Variants in DAB1 observed in about 807,000 individuals in gnomAD.
DAB1 encodes DAB adaptor protein 1, also known as disabled homolog 1.
In DAB1, 15 loss-of-function variants were observed where a neutral mutation model predicts 64.6. The observed-to-expected ratio is 0.23, with a 90% CI of 0.16 to 0.36. The LOEUF (loss-of-function observed/expected upper bound fraction) is 0.36. Ranked by LOEUF, DAB1 falls within the 10% of genes least tolerant of loss-of-function variation. DAB1 has a pLI of 1.00. For synonymous variants in DAB1, 235 were observed against 251.9 expected, an observed-to-expected ratio of 0.93 and a Z score of 0.64; for missense variants, 596 against 706.7, an observed-to-expected ratio of 0.84 and a Z score of 1.78.
chr1:57,083,215 T>C (rs1279272770), intron 4 of DAB1, among the ~76,000 whole-genome samples: 1 of 152,180 alleles, frequency 6.6e-6, no homozygotes, highest in Non-Finnish European at 1.5e-5. Context: ...GTTAAGTAAC[T>C]TGCCCCGGGT....
At chr1:57,495,805 T>G (rs1644223219) in intron 7 of DAB1, among the ~76,000 whole-genome samples, 1 of 152,222 alleles carries the variant, frequency 6.6e-6, no homozygotes, top group Non-Finnish European at 1.5e-5. Context: ...AGGTTCTTCC[T>G]GGTTTATGCA....
In DAB1 at chr1:58,075,613, A is replaced by T. The variant is rs942123111; in HGVS notation, n.387+74898T>A. On this transcript the variant is annotated intron_variant and non_coding_transcript_variant, in intron 5 of 20. Coordinates refer to the DAB1 transcript ENST00000485760. ...TGTATGGAATGTTTGTTACTGCAGC[A>T]TAAATTAAGCTGTCCTGATTGATTC... is the stretch of plus-strand genomic sequence containing the variant. 4.6e-5 allele frequency among the ~76,000 whole-genome samples: 7 copies of T among 152,260 alleles called. No individual in the cohort carries two copies. The East Asian group carries it at 1.3e-3, about 29-fold the overall frequency.
intron 3 of DAB1, among the ~76,000 whole-genome samples, chr1:58,375,967 C>T (rs528101463): frequency 4.1e-5 from 6 of 148,124 alleles, no homozygotes; most frequent in South Asian, 2.2e-4. Context: ...AGTTTATTTG[C>T]GTAGAGGTGT....
intron 1 of DAB1, among the ~76,000 whole-genome samples, chr1:57,346,190 T>C (rs1162282285): frequency 1.3e-5 from 2 of 152,102 alleles, no homozygotes; most frequent in Non-Finnish European, 2.9e-5. Context: ...TCAGCCCCAG[T>C]GTGGCAGTTC....
intron 3 of DAB1, among the ~76,000 whole-genome samples, chr1:58,501,584 T>C (rs1200193587): frequency 6.6e-6 from 1 of 152,164 alleles, no homozygotes; most frequent in Non-Finnish European, 1.5e-5. Context: ...CCTTGTACTC[T>C]TCCCCAAGAC....
At chr1:58,358,311 G>C (rs1262173108) in intron 3 of DAB1, among the ~76,000 whole-genome samples, 4 of 152,152 alleles carry the variant, frequency 2.6e-5, no homozygotes, top group Non-Finnish European at 5.9e-5. Flanking sequence ...TTTCAAGAAA[G>C]AGGAGGAAGA....
At chr1:57,413,405 T>A in intron 1 of DAB1, among the ~76,000 whole-genome samples, 1 of 152,204 alleles carries the variant, frequency 6.6e-6, no homozygotes. Flanking sequence ...GTGATTCTTC[T>A]GATAGATCTT....
intron 7 of DAB1, among the ~76,000 whole-genome samples, chr1:57,585,090 A>G (rs558107100): frequency 1.3e-5 from 2 of 152,196 alleles, no homozygotes; most frequent in East Asian, 3.9e-4. Flanking sequence ...CTCTACTAAA[A>G]ATACAAAAAT....
intron 4 of DAB1, among the ~76,000 whole-genome samples, chr1:57,133,278 A>G (rs1336311523): frequency 6.6e-6 from 1 of 152,184 alleles, no homozygotes; most frequent in Admixed American, 6.5e-5. Context: ...ATCATTTTTT[A>G]TGATATAAAG....
chr1:58,051,390 A>G (rs1390506512), intron 5 of DAB1, among the ~76,000 whole-genome samples: 3 of 152,022 alleles, frequency 2.0e-5, no homozygotes, highest in Admixed American at 6.6e-5. Context: ...ATCCTTTTTT[A>G]TGGCTGCATA....
At chr1:58,456,976 G>A (rs1326502209) in intron 3 of DAB1, among the ~76,000 whole-genome samples, 1 of 152,114 alleles carries the variant, frequency 6.6e-6, no homozygotes, top group Non-Finnish European at 1.5e-5. Context: ...ATCTCAGAAA[G>A]ACTAAGAAAC....
chr1:58,416,548 A>C (rs947405), intron 3 of DAB1, among the ~76,000 whole-genome samples: 10,984 of 152,248 alleles, frequency 0.072, 608 homozygotes, highest in East Asian at 0.31. Flanking sequence ...TGGCTAGTGC[A>C]ACCAAAAAAA....
intron 4 of DAB1, among the ~76,000 whole-genome samples, chr1:58,154,336 G>A (rs1030209503): frequency 6.6e-6 from 1 of 152,130 alleles, no homozygotes; most frequent in African/African-American, 2.4e-5. Context: ...AGGGAGTACA[G>A]TAGAGTCCAT....
intron 5 of DAB1, among the ~76,000 whole-genome samples, chr1:57,910,163 G>A (rs17116441): frequency 0.014 from 2,081 of 152,272 alleles, 45 homozygotes; most frequent in African/African-American, 0.048. Flanking sequence ...AGAGGCCACC[G>A]TATTCATCAC....
At chr1:57,968,190 T>C (rs908001635) in intron 5 of DAB1, among the ~76,000 whole-genome samples, 8 of 152,124 alleles carry the variant, frequency 5.3e-5, no homozygotes, top group African/African-American at 1.9e-4. Flanking sequence ...CTCTAGGGTC[T>C]CCTGTGTCCT....
At position 58,414,542 on chromosome 1, in the gene DAB1, C is replaced by T. The variant is rs373867850; in HGVS notation, n.258-71139G>A. Among the ~76,000 whole-genome samples, 9 of 152,226 alleles carry T rather than the reference C, an allele frequency of 5.9e-5. No individual in the cohort carries two copies. In the East Asian group the frequency reaches 1.3e-3, roughly 23 times the overall value. ...AATGCCTGACATACAGTAAGTGTTTCATGTTTCTTGAATGAATGAATGAAT... is the reference window on the plus strand; with the variant it reads ...AATGCCTGACATACAGTAAGTGTTTTATGTTTCTTGAATGAATGAATGAAT... On this transcript the variant is annotated intron_variant and non_coding_transcript_variant, in intron 3 of 20. Transcript: ENST00000485760.
At chr1:58,429,398 T>C (rs1395333144) in intron 3 of DAB1, among the ~76,000 whole-genome samples, 1 of 150,948 alleles carries the variant, frequency 6.6e-6, no homozygotes, top group Non-Finnish European at 1.5e-5. Flanking sequence ...CCTGCAGGAG[T>C]CCAGGAATTG....
chr1:58,033,387 A>G (rs115471478), intron 5 of DAB1, among the ~76,000 whole-genome samples: 2,043 of 152,230 alleles, frequency 0.013, 42 homozygotes, highest in African/African-American at 0.043. Context: ...GATAAGCACC[A>G]TACAACTTCA....
intron 7 of DAB1, among the ~76,000 whole-genome samples, chr1:57,474,356 G>A (rs1390543475): frequency 6.6e-6 from 1 of 152,096 alleles, no homozygotes; most frequent in Non-Finnish European, 1.5e-5. Flanking sequence ...TTACAGCCAC[G>A]AAAACAAGTC....
Sources: gnomAD v4.1 joint callset for allele counts (sites outside exome capture counted in the v4.1 genomes callset) on GRCh38, gnomAD v4.1.1 for gene constraint, MANE v1.5 for transcripts, NCBI Gene and HGNC (gene_info 2026-07-23, HGNC 2026-07-21) for gene names.